The following PRKN variants were observed in gnomAD, a reference collection of about 807,000 sequenced individuals.
PRKN encodes the protein parkin RBR E3 ubiquitin protein ligase, also known as E3 ubiquitin-protein ligase parkin.
Under a neutral mutation model 59.5 loss-of-function variants are expected in PRKN, and 56 were observed. The ratio of observed to expected loss-of-function variants is 0.94; its 90% confidence interval spans 0.76 to 1.18. The LOEUF is 1.18. Ranked by LOEUF, PRKN falls within the 50% of genes most tolerant of loss-of-function variation. PRKN has a pLI of 0.00. For synonymous variants in PRKN, 250 were observed against 222.1 expected, an observed-to-expected ratio of 1.13 and a Z score of -1.12; for missense variants, 657 against 596.4, an observed-to-expected ratio of 1.10 and a Z score of -1.06.
At chr6:162,388,481 C>A (rs1241791703) in intron 2 of PRKN, among the ~76,000 whole-genome samples, 1 of 152,174 alleles carries the variant, frequency 6.6e-6, no homozygotes, top group African/African-American at 2.4e-5. Flanking sequence ...TCACTTAGCA[C>A]ACAGCAAGGT....
At position 161,497,799 on chromosome 6, in the gene PRKN, G is replaced by A. The variant is rs1211527604; in HGVS notation, c.1083+51055C>T. Among the ~76,000 whole-genome samples the A allele has an allele frequency of 2.0e-5, 3 of 152,138 alleles. No individual in the cohort carries two copies. Among genetic ancestry groups the A allele is most frequent in the African/African-American group, 7.2e-5 (3 of 41,428 alleles). ...AAGGTGGGTGGGAAGTCGGCAGCAGGGATCAGTAGCTGTAGCTGCTTCAGC... is the reference window on the plus strand; with the variant it reads ...AAGGTGGGTGGGAAGTCGGCAGCAGAGATCAGTAGCTGTAGCTGCTTCAGC... On this transcript the variant is annotated intron_variant, in intron 9 of 11. Transcript: ENST00000366898. This position sits in a 1 kb window ranked among gnomAD's most constrained non-coding sequence, Gnocchi z 4.6.
chr6:161,864,251 A>G (rs1275214788), intron 6 of PRKN, among the ~76,000 whole-genome samples: 1 of 152,194 alleles, frequency 6.6e-6, no homozygotes, highest in South Asian at 2.1e-4. Context: ...CTCATCAACT[A>G]AGTGTATGTA....
intron 1 of PRKN, among the ~76,000 whole-genome samples, chr6:162,450,387 GTGAATGTAAACGCCCCTA>G (rs1440474126): frequency 1.0e-4 from 14 of 137,974 alleles, no homozygotes; most frequent in African/African-American, 3.7e-4. Flanking sequence ...TAATCCCCCT[GTGAATGTAAACGCCCCTA>G]TGATTGTAAC....
At chr6:161,739,214 T>C (rs913149967) in intron 7 of PRKN, among the ~76,000 whole-genome samples, 3 of 151,910 alleles carry the variant, frequency 2.0e-5, no homozygotes, top group Non-Finnish European at 4.4e-5. Flanking sequence ...TCAAGACCAG[T>C]CTGGCCAACA....
intron 1 of PRKN, among the ~76,000 whole-genome samples, chr6:162,525,950 C>A (rs1778262541): frequency 1.3e-5 from 2 of 152,094 alleles, no homozygotes; most frequent in Non-Finnish European, 2.9e-5. Context: ...ACCTCCCAGG[C>A]TCAGGTGATT....
rs542423799 is a variant in PRKN at position 161,379,770 on chromosome 6, G to A, written c.1167+7024C>T. ...CTAGGACCTGCTGTGGCAACTGCAC[G>A]GCAGTTCAGCCTTCCTTCAAACTGC... On this transcript the variant is annotated intron_variant, in intron 10 of 11. Coordinates refer to ENST00000366898, the MANE Select transcript of PRKN (RefSeq NM_004562.3). The surrounding 1 kb of genome is among the most constrained non-coding windows in gnomAD (Gnocchi z 4.9). Among the ~76,000 whole-genome samples the A allele has an allele frequency of 1.3e-4, 20 of 152,300 alleles. No homozygotes were observed. Among genetic ancestry groups the A allele is most frequent in the African/African-American group, 9.6e-5 (4 of 41,562 alleles).
chr6:161,691,568 T>G (rs1347835802), intron 7 of PRKN, among the ~76,000 whole-genome samples: 1 of 152,224 alleles, frequency 6.6e-6, no homozygotes, highest in Non-Finnish European at 1.5e-5. Flanking sequence ...CTGCTCATGC[T>G]GAAAAAGGCT....
intron 1 of PRKN, among the ~76,000 whole-genome samples, chr6:162,573,531 CTT>C (rs1270928706): frequency 1.3e-5 from 2 of 152,096 alleles, no homozygotes; most frequent in African/African-American, 4.8e-5. Context: ...TTTACTGTCT[CTT>C]TTGTTATAAA....
At chr6:162,206,968 T>C (rs1301993859) in intron 3 of PRKN, among the ~76,000 whole-genome samples, 1 of 152,220 alleles carries the variant, frequency 6.6e-6, no homozygotes, top group Non-Finnish European at 1.5e-5. Context: ...TCATTAGTTC[T>C]AGTTTAACCA....
At chr6:161,848,591 A>G (rs903205813) in intron 6 of PRKN, among the ~76,000 whole-genome samples, 3 of 152,216 alleles carry the variant, frequency 2.0e-5, no homozygotes, top group African/African-American at 7.2e-5. Context: ...CCAAATGGGT[A>G]TGTCTTACAT....
In PRKN at chr6:161,638,243, G is replaced by A. The variant is rs545530843; in HGVS notation, c.872-68827C>T. Among the ~76,000 whole-genome samples, 58 of 151,604 alleles carry A rather than the reference G, an allele frequency of 3.8e-4. 1 individual carries two copies. Among genetic ancestry groups the A allele is most frequent in the African/African-American group, 1.2e-3 (51 of 41,300 alleles). On this transcript the variant is annotated intron_variant, in intron 7 of 11. Transcript: ENST00000366898. ...CACCTGCTGGGTTGAAGCCATTCTC[G>A]TGCCTCAGCCTCCTGAGTAGCTGGG...
chr6:161,995,799 T>C (rs9364629), intron 5 of PRKN, among the ~76,000 whole-genome samples: 1 of 151,894 alleles, frequency 6.6e-6, no homozygotes. Context: ...TTATACACTG[T>C]TGTAACCTGT....
intron 4 of PRKN, among the ~76,000 whole-genome samples, chr6:162,096,100 T>C (rs549318190): frequency 6.6e-6 from 1 of 151,992 alleles, no homozygotes; most frequent in East Asian, 2.0e-4. Context: ...GTAGGTATGC[T>C]GCCAACTATA....
intron 1 of PRKN, among the ~76,000 whole-genome samples, chr6:162,634,023 A>T (rs936180758): frequency 1.3e-5 from 2 of 152,314 alleles, no homozygotes; most frequent in Non-Finnish European, 2.9e-5. Context: ...TGTCAACAAA[A>T]CTAACCAGCA....
At chr6:162,303,462 A>G (rs977772391) in intron 2 of PRKN, among the ~76,000 whole-genome samples, 12 of 152,156 alleles carry the variant, frequency 7.9e-5, no homozygotes, top group African/African-American at 2.9e-4. Context: ...ATCAATCCAA[A>G]CCTTTGAGAT....
At position 162,511,331 on chromosome 6, in the gene PRKN, T is replaced by C. The variant is rs539187469; in HGVS notation, c.8-67858A>G. Among the ~76,000 whole-genome samples the C allele has an allele frequency of 7.9e-5, 12 of 152,266 alleles. No individual in the cohort carries two copies. The South Asian group carries it at 1.0e-3, about 13-fold the overall frequency. Reference sequence around the variant, plus strand: ...CATGAAATGCAATTATGCCTACTTATAGACATTCTAGATGTACATGTACCA... The same window carrying C: ...CATGAAATGCAATTATGCCTACTTACAGACATTCTAGATGTACATGTACCA... On this transcript the variant is annotated intron_variant, in intron 1 of 11. Transcript: ENST00000366898.
intron 4 of PRKN, among the ~76,000 whole-genome samples, chr6:162,185,553 G>C (rs892257242): frequency 1.3e-5 from 2 of 152,202 alleles, no homozygotes; most frequent in African/African-American, 4.8e-5. Context: ...CATTATAAGT[G>C]ATTTCAAAAT....
intron 7 of PRKN, among the ~76,000 whole-genome samples, chr6:161,719,871 A>G (rs1268692476): frequency 6.6e-6 from 1 of 152,214 alleles, no homozygotes; most frequent in East Asian, 1.9e-4. Flanking sequence ...GCCTCAAGCG[A>G]TCCTCCAGCC....
chr6:162,444,065 C>T (rs879905172), intron 1 of PRKN, among the ~76,000 whole-genome samples: 3 of 152,204 alleles, frequency 2.0e-5, no homozygotes, highest in Non-Finnish European at 4.4e-5. Context: ...ACACTAGTGA[C>T]ACCATTTGTC....
Sources: allele counts gnomAD v4.1 joint callset (sites outside exome capture counted in the v4.1 genomes callset), GRCh38; gene constraint gnomAD v4.1.1; non-coding constraint Gnocchi (gnomAD v3.1); transcripts MANE v1.5; gene names NCBI Gene and HGNC (gene_info 2026-07-23, HGNC 2026-07-21).